Variants in TRIP12 observed in about 807,000 individuals in gnomAD.
The protein encoded by TRIP12 is E3 ubiquitin-protein ligase TRIP12.
TRIP12 carries 25 observed loss-of-function variants against 244.2 expected under a neutral mutation model. The observed-to-expected ratio is 0.10, with a 90% confidence interval of 0.07 to 0.14. TRIP12 has a LOEUF of 0.14. Among genes scored for constraint, TRIP12 ranks in the 10% least tolerant of loss-of-function variants. The pLI is 1.00. For synonymous variants in TRIP12, 905 were observed against 873.1 expected (o/e 1.04, Z -0.64); for missense variants, 1,677 against 2,486.4 (o/e 0.67, Z 6.92).
chr2:229,767,584 T>C lies in TRIP12; in HGVS notation c.6174A>G (p.Arg2058=), dbSNP rs1043594383. Residue 2058 remains arginine, a synonymous_variant, in exon 42 of 42, where the codon AGA becomes AGG. Transcript: ENST00000675903. The part of the protein sequence containing the change: ...IMREKLLIAA[R]EGQQSFHLS ...AAAGATGGAACGACTGCTGCCCTTC[T>C]CTTGCTGCTATCAACAGTTTTTCAC... The C allele has an allele frequency of 1.2e-6, 2 of 1,613,254 alleles. No individual in the cohort carries two copies. The highest frequency in any genetic ancestry group is 1.1e-5 in the South Asian group (1 of 90,734).
intron 1 of TRIP12, among the ~76,000 whole-genome samples, chr2:229,906,048 T>C (rs1577019865): frequency 6.6e-6 from 1 of 152,316 alleles, no homozygotes; most frequent in East Asian, 1.9e-4. Context: ...CTCACGCCTG[T>C]AATCCCAACA....
In TRIP12 at chr2:229,778,629, A is replaced by C; in HGVS notation, c.5210-42T>G. ...GCAGCAAACTTCAGATGATGTTTCCAAAAACAAAACAAAACCTGGTAACTA... is the reference window on the plus strand; with the variant it reads ...GCAGCAAACTTCAGATGATGTTTCCCAAAACAAAACAAAACCTGGTAACTA... On this transcript the variant is annotated intron_variant, in intron 35 of 41. Transcript: ENST00000675903. The surrounding 1 kb of genome is among the most constrained non-coding windows in gnomAD (Gnocchi z 4.1). 6.3e-7 allele frequency: 1 copy of C among 1,584,032 alleles called. No homozygotes were observed. The highest frequency in any genetic ancestry group is 8.6e-7 in the Non-Finnish European group (1 of 1,167,188).
chr2:229,902,870 C>G (rs1035568572), intron 1 of TRIP12, among the ~76,000 whole-genome samples: 2 of 152,196 alleles, frequency 1.3e-5, no homozygotes, highest in South Asian at 2.1e-4. Context: ...TTCAGTTACA[C>G]AGATATGCCT....
In TRIP12 at chr2:229,779,013, C is replaced by T. The variant is rs369969524; in HGVS notation, c.5095-23G>A. The T allele has an allele frequency of 2.7e-5, 43 of 1,593,610 alleles. No homozygotes were observed. In the African/African-American group the frequency reaches 4.2e-4, roughly 15 times the overall value. On this transcript the variant is annotated intron_variant, in intron 34 of 41. Coordinates refer to ENST00000675903, the MANE Select transcript of TRIP12 (RefSeq NM_001348323.3). ...AACCTACAGAAGAACACAAGTAGAACGATTTCAAATTTTAAGAATTGTGTT... is the reference window on the plus strand; with the variant it reads ...AACCTACAGAAGAACACAAGTAGAATGATTTCAAATTTTAAGAATTGTGTT...
At chr2:229,864,621 T>C (rs1010366622) in intron 2 of TRIP12, among the ~76,000 whole-genome samples, 1 of 152,232 alleles carries the variant, frequency 6.6e-6, no homozygotes, top group African/African-American at 2.4e-5. Context: ...TCCTCTTTAA[T>C]TGAAAGGTCT....
rs758877995 is a variant in TRIP12 at position 229,860,394 on chromosome 2, A to G, written c.224+12T>C. The G allele has an allele frequency of 6.3e-7, 1 of 1,592,030 alleles. No individual in the cohort carries two copies. Among genetic ancestry groups the G allele is most frequent in the East Asian group, 2.3e-5 (1 of 44,344 alleles). ...TCTGCCTTGAAAATGTATAAGCAAC[A>G]TGAAGATTTACCTTTTAGAAAGGTG... On this transcript the variant is annotated intron_variant, in intron 3 of 41. Transcript: ENST00000675903.
chr2:229,846,540 G>A (rs1007420606), intron 4 of TRIP12, among the ~76,000 whole-genome samples: 1 of 151,514 alleles, frequency 6.6e-6, no homozygotes, highest in African/African-American at 2.4e-5. Context: ...ATGTGCACTG[G>A]GAAACAAAAA....
intron 1 of TRIP12, among the ~76,000 whole-genome samples, chr2:229,893,922 G>A (rs547921952): frequency 9.2e-5 from 14 of 152,196 alleles, no homozygotes; most frequent in African/African-American, 2.6e-4. Context: ...TATGTTACCC[G>A]GGCTGGTCCC....
chr2:229,818,850 A>G (rs1017454108), intron 8 of TRIP12, among the ~76,000 whole-genome samples: 2 of 152,224 alleles, frequency 1.3e-5, no homozygotes, highest in Admixed American at 1.3e-4. Context: ...ATTGTGAGCA[A>G]AGGCTTGCTA....
intron 34 of TRIP12, 114 bp downstream of exon 34, chr2:229,785,643 G>C: frequency 1.1e-6 from 1 of 944,128 alleles, no homozygotes; most frequent in Non-Finnish European, 1.5e-6. Context: ...CAAGAGAAAA[G>C]AGAGCAAAGT....
chr2:229,903,175 T>C (rs987123540), intron 1 of TRIP12, among the ~76,000 whole-genome samples: 5 of 152,092 alleles, frequency 3.3e-5, no homozygotes, highest in South Asian at 2.1e-4. Context: ...TCAAATGCAA[T>C]GGACACAATG....
chr2:229,805,865 C>A lies in TRIP12; in HGVS notation c.2515G>T (p.Glu839Ter). ...RIIEAAHQVG[E>*]DEISLSTLGR... is the part of the protein sequence containing the mutation. ...AGAGTGGACAAGCTTATCTCATCCT[C>A]ACCGACCTGATGGGCTGCCTGAGAG... The change falls in exon 18 of 42, where the codon GAG (glutamate) becomes TAG (stop). Residue 839 changes from glutamate (E) to a stop codon, truncating the protein, a stop_gained. Transcript: ENST00000675903. LOFTEE classifies it high-confidence loss of function. 1 of 1,575,958 alleles carries A rather than the reference C, an allele frequency of 6.3e-7. No homozygotes were observed. The highest frequency in any genetic ancestry group is 8.7e-7 in the Non-Finnish European group (1 of 1,152,666).
chr2:229,892,690 A>T (rs2067661015), intron 1 of TRIP12, among the ~76,000 whole-genome samples: 1 of 151,800 alleles, frequency 6.6e-6, no homozygotes, highest in Non-Finnish European at 1.5e-5. Context: ...GCATGGCGAA[A>T]CCCCTTCTCC....
chr2:229,764,948 G>C lies in TRIP12; in HGVS notation c.*2606C>G, dbSNP rs938605310. 6.6e-6 allele frequency: 1 copy of C among 152,210 alleles called. No homozygotes were observed. The highest frequency in any genetic ancestry group is 6.5e-5 in the Admixed American group (1 of 15,282). The allele number at this position is 152,210 out of a possible 1,614,324, so 9.4% of individuals were successfully genotyped here. On this transcript the variant is annotated 3_prime_UTR_variant, in exon 42 of 42. Transcript: ENST00000675903. ...GAAAAATCTGCGTTTCTTACGATGAGTGGCTGTGTGAAAGGTTTCTGCTGG... is the reference window on the plus strand; with the variant it reads ...GAAAAATCTGCGTTTCTTACGATGACTGGCTGTGTGAAAGGTTTCTGCTGG...
At chr2:229,906,396 A>T (rs1173165226) in intron 1 of TRIP12, among the ~76,000 whole-genome samples, 1 of 151,746 alleles carries the variant, frequency 6.6e-6, no homozygotes, top group African/African-American at 2.4e-5. Flanking sequence ...CTGAAAAAAA[A>T]AAAATAAATA....
At position 229,795,160 on chromosome 2, in the gene TRIP12, G is replaced by A; in HGVS notation, c.3968+19C>T. 1 of 1,610,550 alleles carries A rather than the reference G, an allele frequency of 6.2e-7. No homozygotes were observed. Among genetic ancestry groups the A allele is most frequent in the Non-Finnish European group, 8.5e-7 (1 of 1,178,282 alleles). ...ACCAAATTCCAGTGGCAAGGGTATAGCCAGGCAATGGTCCTTACCTGCCTC... is the reference window on the plus strand; with the variant it reads ...ACCAAATTCCAGTGGCAAGGGTATAACCAGGCAATGGTCCTTACCTGCCTC... On this transcript the variant is annotated intron_variant, in intron 26 of 41. Transcript: ENST00000675903.
Position 229,790,458 on chromosome 2 carries a change from G to T in TRIP12, c.4543+666C>A, listed in dbSNP as rs1454240405. ...ACAAACTTAGTTTTGTGAAAAAAAA[G>T]TGCTACAGGGCCCTTTTCTGTGGAC... On this transcript the variant is annotated intron_variant, in intron 30 of 41. Transcript: ENST00000675903. 2.7e-5 allele frequency among the ~76,000 whole-genome samples: 4 copies of T among 150,780 alleles called. No homozygotes were observed. In the East Asian group the frequency reaches 7.9e-4, roughly 30 times the overall value.
At chr2:229,909,739 G>C (rs2073894183) in intron 1 of TRIP12, among the ~76,000 whole-genome samples, 1 of 151,900 alleles carries the variant, frequency 6.6e-6, no homozygotes, top group Non-Finnish European at 1.5e-5. Context: ...TGTAGTCTCA[G>C]CTACTCAGGA....
chr2:229,772,495 G>C (rs143855223), intron 38 of TRIP12, among the ~76,000 whole-genome samples: 17 of 152,074 alleles, frequency 1.1e-4, no homozygotes, highest in Non-Finnish European at 2.4e-4. Flanking sequence ...ACAGAGTCTC[G>C]CTCTGTCGCC....
Sources: allele counts gnomAD v4.1 joint callset (sites outside exome capture counted in the v4.1 genomes callset), GRCh38; gene constraint gnomAD v4.1.1; non-coding constraint Gnocchi (gnomAD v3.1); transcripts MANE v1.5; gene names NCBI Gene and HGNC (gene_info 2026-07-23, HGNC 2026-07-21).